PAK3: variants seen among roughly 807,000 people sequenced by gnomAD.
PAK3 encodes p21 (RAC1) activated kinase 3.
Under a neutral mutation model 41.0 loss-of-function variants are expected in PAK3, and 4 were observed. The observed-to-expected ratio is 0.10, with a 90% CI of 0.05 to 0.22. The LOEUF (loss-of-function observed/expected upper bound fraction) is 0.22, where lower values mean the gene tolerates loss of function less well. Among genes scored for constraint, PAK3 ranks in the 10% least tolerant of loss-of-function variants. The pLI, the probability that PAK3 is intolerant of heterozygous loss-of-function variation, is 1.00. For synonymous variants in PAK3, 146 were observed against 139.6 expected (o/e 1.05, Z -0.32); for missense variants, 205 against 409.9 (o/e 0.50, Z 4.32).
intron 1 of PAK3, among the ~76,000 whole-genome samples, chrX:111,001,181 G>A (rs915405585): frequency 8.9e-6 from 1 of 112,006 alleles, no homozygotes; most frequent in South Asian, 3.7e-4. Flanking sequence ...TAAAGGTATC[G>A]GAAAGAGACT....
intron 5 of PAK3, among the ~76,000 whole-genome samples, chrX:111,131,043 A>T (rs2093709830): frequency 8.9e-6 from 1 of 111,802 alleles, no homozygotes; most frequent in South Asian, 3.8e-4. Context: ...CTTACATAAA[A>T]TGAGAGTAGC....
At chrX:111,211,599 C>G (rs747812891) in intron 16 of PAK3, among the ~76,000 whole-genome samples, 2 of 105,548 alleles carry the variant, frequency 1.9e-5, no homozygotes, top group Non-Finnish European at 3.8e-5. Context: ...TTGCTTGAAC[C>G]CAGGAGGTGG....
chrX:110,951,150 G>A (rs2090737066), intron 1 of PAK3, among the ~76,000 whole-genome samples: 1 of 111,598 alleles, frequency 9.0e-6, no homozygotes, highest in African/African-American at 3.3e-5. Flanking sequence ...TTCTGCTTCT[G>A]ATAACTGGGT....
intron 1 of PAK3, among the ~76,000 whole-genome samples, chrX:111,082,941 TC>T (rs1359504700): frequency 8.9e-6 from 1 of 112,233 alleles, no homozygotes; most frequent in Non-Finnish European, 1.9e-5. Flanking sequence ...CAATAGATGT[TC>T]GAAAATAAAA....
chrX:111,178,972 T>TAGAGAGAGAGAG (rs200797515), intron 11 of PAK3, among the ~76,000 whole-genome samples: 1,985 of 86,237 alleles, frequency 0.023, 67 homozygotes, highest in African/African-American at 0.14. Context: ...TATATATATA[T>TAGAGAGAGAGAG]ATATATATAG....
At chrX:111,199,731 C>T (rs1373342436) in intron 16 of PAK3, among the ~76,000 whole-genome samples, 1 of 111,470 alleles carries the variant, frequency 9.0e-6, no homozygotes, top group Admixed American at 9.5e-5. Context: ...AAACAGTTTC[C>T]GTTTGGTAAC....
chrX:111,072,752 G>A (rs974892143), intron 1 of PAK3, among the ~76,000 whole-genome samples: 4 of 112,251 alleles, frequency 3.6e-5, no homozygotes, highest in Non-Finnish European at 7.5e-5. Context: ...ATATGATGGT[G>A]TTTGTTCTCC....
intron 13 of PAK3, 82 bp downstream of exon 13, chrX:111,192,700 T>C (rs1389183947): frequency 3.9e-5 from 21 of 538,853 alleles, no homozygotes; most frequent in Non-Finnish European, 4.6e-5. Flanking sequence ...TTGGGATTCG[T>C]TCATTTAACA....
At chrX:110,962,652 G>A (rs952785337) in intron 1 of PAK3, among the ~76,000 whole-genome samples, 2 of 112,283 alleles carry the variant, frequency 1.8e-5, no homozygotes, top group East Asian at 2.8e-4. Flanking sequence ...GCAGCAGGCC[G>A]AGCAGGCCAC....
rs939107496 is a variant in PAK3, at chrX:111,222,818, A to G, written c.*2371A>G. ...AGTGACCCTTCAGATCACTGTAGGC[A>G]GAGAAATGGCTTCTCTCTTATGCTT... On this transcript the variant is annotated 3_prime_UTR_variant, in exon 18 of 18. Coordinates refer to ENST00000372007, the MANE Select transcript of PAK3 (RefSeq NM_002578.5). The G allele has an allele frequency of 4.5e-5, 5 of 111,012 alleles. No individual in the cohort carries two copies. The highest frequency in any genetic ancestry group is 1.6e-4 in the African/African-American group (5 of 30,565). 9.1% of individuals were successfully genotyped at this position (111,012 alleles called of 1,213,427 possible).
At chrX:111,207,348 A>T (rs900899046) in intron 16 of PAK3, among the ~76,000 whole-genome samples, 40 of 110,809 alleles carry the variant, frequency 3.6e-4, no homozygotes, top group African/African-American at 1.3e-3. Context: ...TGATGGTTTC[A>T]TTGTATTAAA....
chrX:110,986,297 A>G (rs2091542705), intron 1 of PAK3, among the ~76,000 whole-genome samples: 2 of 111,875 alleles, frequency 1.8e-5, no homozygotes, highest in African/African-American at 6.5e-5. Flanking sequence ...AACCTTAGCT[A>G]TTACAGGGCT....
Position 110,974,471 on chromosome X carries a change from T to C in PAK3, c.-28+29843T>C, listed in dbSNP as rs188307456. Among the ~76,000 whole-genome samples the C allele has an allele frequency of 7.2e-5, 8 of 111,222 alleles. No individual in the cohort carries two copies. The East Asian group carries it at 1.1e-3, about 16-fold the overall frequency. ...TCTGAAATTGAGGCAATAATTAATA[T>C]CCTACCAACCTAAAAAAGTCCAGGA... On this transcript the variant is annotated intron_variant, in intron 1 of 14. Coordinates refer to the PAK3 transcript ENST00000425146.
Position 111,179,011 on chromosome X carries a change from C to CTATA in PAK3, c.830+5948_830+5951dup, listed in dbSNP as rs57999727. Reference sequence around the variant, plus strand: ...GAGAGATATCTGTATATCTATATATCTATATATATATATATATATATGGTT... The same window carrying CTATA: ...GAGAGATATCTGTATATCTATATATCTATATATATATATATATATATATATGGTT... On this transcript the variant is annotated intron_variant, in intron 11 of 17. Transcript: ENST00000372007. Among the ~76,000 whole-genome samples, 225 of 89,791 alleles carry CTATA rather than the reference C, an allele frequency of 2.5e-3. 2 individuals carry two copies. Among genetic ancestry groups the CTATA allele is most frequent in the African/African-American group, 8.4e-3 (194 of 23,035 alleles). The allele number at this position is 89,791 out of a possible 115,157, so 78.0% of individuals were successfully genotyped here.
At chrX:111,044,715 A>G (rs1019134605) in intron 1 of PAK3, among the ~76,000 whole-genome samples, 6 of 112,459 alleles carry the variant, frequency 5.3e-5, no homozygotes, top group African/African-American at 1.9e-4. Context: ...GAGAAGCTAC[A>G]TACCAGCATT....
At chrX:111,135,031 T>C (rs766288815) in intron 5 of PAK3, among the ~76,000 whole-genome samples, 6 of 111,066 alleles carry the variant, frequency 5.4e-5, no homozygotes, top group African/African-American at 2.0e-4. Flanking sequence ...GGCAATGATA[T>C]CAGATTTGTG....
chrX:111,117,085 C>G (rs2093478275), intron 4 of PAK3, among the ~76,000 whole-genome samples: 1 of 111,785 alleles, frequency 8.9e-6, no homozygotes, highest in African/African-American at 3.3e-5. Context: ...ACGAGGCCAT[C>G]TAAGAATTGG....
intron 1 of PAK3, among the ~76,000 whole-genome samples, chrX:110,966,773 G>A (rs904622754): frequency 5.4e-5 from 6 of 111,086 alleles, no homozygotes; most frequent in African/African-American, 1.6e-4. Flanking sequence ...TCATCTGTAG[G>A]TAGTCAAGTT....
intron 17 of PAK3, among the ~76,000 whole-genome samples, chrX:111,218,004 A>T (rs1356919755): frequency 8.9e-6 from 1 of 112,575 alleles, no homozygotes; most frequent in Non-Finnish European, 1.9e-5. Flanking sequence ...ACAAAATTGT[A>T]TTTTGAGTCT....
Sources: allele counts gnomAD v4.1 joint callset (sites outside exome capture counted in the v4.1 genomes callset), GRCh38; gene constraint gnomAD v4.1.1; transcripts MANE v1.5; gene names NCBI Gene and HGNC (gene_info 2026-07-23, HGNC 2026-07-21).